Variants in LDLRAD3 observed in about 807,000 individuals in gnomAD.
LDLRAD3 encodes the protein low density lipoprotein receptor class A domain containing 3, also known as low-density lipoprotein receptor class A domain-containing protein 3.
In LDLRAD3, 20 loss-of-function variants were observed where a neutral mutation model predicts 29.4. The ratio of observed to expected loss-of-function variants is 0.68; its 90% CI spans 0.48 to 0.99. The LOEUF is 0.99. LDLRAD3 is among the 50% of genes least tolerant of loss of function. The pLI is 0.00. For synonymous variants in LDLRAD3, 157 were observed against 192.7 expected (o/e 0.81, Z 1.53); for missense variants, 420 against 454.3 (o/e 0.92, Z 0.69).
At chr11:36,202,419 C>CAG (rs1565300989) in intron 4 of LDLRAD3, among the ~76,000 whole-genome samples, 2 of 152,168 alleles carry the variant, frequency 1.3e-5, no homozygotes, top group Admixed American at 6.5e-5. Flanking sequence ...CAGCACCTCT[C>CAG]ACGGTTGAGC....
At chr11:35,967,535 T>G (rs994618141) in intron 1 of LDLRAD3, 1 of 369,224 alleles carries the variant, frequency 2.7e-6, no homozygotes, top group African/African-American at 2.1e-5. Flanking sequence ...TTTTTCCACT[T>G]TGAGTTTGCT....
Position 36,231,558 on chromosome 11 carries a change from G to T in LDLRAD3, c.*2161G>T, listed in dbSNP as rs566646189. On this transcript the variant is annotated 3_prime_UTR_variant, in exon 6 of 6. Transcript: ENST00000315571. The stretch of plus-strand genomic sequence containing the variant: ...AAGAATTCTAATTTTAATTAATTGC[G>T]CAGTGAGTTAATCTCACTCGCTTTT... The T allele has an allele frequency of 4.6e-5, 7 of 151,994 alleles. No individual in the cohort carries two copies. Among genetic ancestry groups the T allele is most frequent in the Non-Finnish European group, 1.0e-4 (7 of 68,008 alleles). The allele number at this position is 151,994 out of a possible 1,614,324, so 9.4% of individuals were successfully genotyped here. A position where few individuals can be genotyped will look rare whatever the true frequency, so the allele number is the denominator to read the frequency against.
chr11:35,946,459 T>C (rs1321873331), intron 1 of LDLRAD3, among the ~76,000 whole-genome samples: 1 of 152,192 alleles, frequency 6.6e-6, no homozygotes, highest in South Asian at 2.1e-4. Context: ...ACCTTGCATA[T>C]TTTTTTCTTC....
intron 4 of LDLRAD3, among the ~76,000 whole-genome samples, chr11:36,204,300 C>A (rs912346828): frequency 6.6e-6 from 1 of 152,056 alleles, no homozygotes; most frequent in Non-Finnish European, 1.5e-5. Flanking sequence ...ATATCCGGGG[C>A]AGCATAAAGA....
intron 4 of LDLRAD3, among the ~76,000 whole-genome samples, chr11:36,148,196 C>T (rs1382481396): frequency 6.6e-6 from 1 of 152,114 alleles, no homozygotes. Context: ...TTCTGTTTTT[C>T]TTATTAAATA....
At position 36,170,338 on chromosome 11, in the gene LDLRAD3, A is replaced by T. The variant is rs199514535; in HGVS notation, c.455-56747A>T. Among the ~76,000 whole-genome samples, 8 of 61,008 alleles carry T rather than the reference A, an allele frequency of 1.3e-4. No homozygotes were observed. In the East Asian group the frequency reaches 2.4e-3, roughly 18 times the overall value. 40.0% of individuals were successfully genotyped at this position (61,008 alleles called of 152,430 possible). A position where few individuals can be genotyped will look rare whatever the true frequency, so the allele number is the denominator to read the frequency against. On this transcript the variant is annotated intron_variant, in intron 4 of 5. Transcript: ENST00000315571. ...CGTATATATGTATATATGTACGTAT[A>T]TACGTATATATACATATATATACAC...
At chr11:36,173,695 T>C (rs887675917) in intron 4 of LDLRAD3, among the ~76,000 whole-genome samples, 5 of 152,204 alleles carry the variant, frequency 3.3e-5, no homozygotes, top group Non-Finnish European at 4.4e-5. Context: ...CCTTTGGGTA[T>C]ATACCCAGTA....
intron 1 of LDLRAD3, among the ~76,000 whole-genome samples, chr11:35,987,542 A>G (rs1434576134): frequency 1.3e-5 from 2 of 152,218 alleles, no homozygotes; most frequent in African/African-American, 2.4e-5. Context: ...GAATTCACTT[A>G]GGATAATGGC....
At chr11:36,133,347 TC>T in intron 4 of LDLRAD3, among the ~76,000 whole-genome samples, 1 of 65,118 alleles carries the variant, frequency 1.5e-5, no homozygotes, top group East Asian at 7.2e-4. Context: ...GAGTCCATTT[TC>T]TTTTCCTTTC....
intron 4 of LDLRAD3, 35 bp downstream of exon 4, chr11:36,098,496 A>G: frequency 6.2e-7 from 1 of 1,612,346 alleles, no homozygotes; most frequent in Non-Finnish European, 8.5e-7. Context: ...AGATAATTGC[A>G]ACACAACACT....
intron 4 of LDLRAD3, among the ~76,000 whole-genome samples, chr11:36,122,591 C>T (rs12808114): frequency 1.2e-3 from 190 of 152,234 alleles, no homozygotes; most frequent in Non-Finnish European, 2.1e-3. Flanking sequence ...TATTATTAAG[C>T]AGGAACTGTT....
intron 1 of LDLRAD3, among the ~76,000 whole-genome samples, chr11:35,953,749 G>C (rs1429528144): frequency 6.6e-6 from 1 of 152,172 alleles, no homozygotes; most frequent in Non-Finnish European, 1.5e-5. Context: ...GGGAGGGGAA[G>C]AGTGATTAGC....
chr11:35,973,176 T>G (rs545869540), intron 1 of LDLRAD3, among the ~76,000 whole-genome samples: 30 of 151,182 alleles, frequency 2.0e-4, no homozygotes, highest in Middle Eastern at 3.4e-3. Context: ...GTTTTGTTTT[T>G]TTTGATTATT....
intron 1 of LDLRAD3, among the ~76,000 whole-genome samples, chr11:35,953,672 T>G (rs1399616311): frequency 6.6e-6 from 1 of 152,152 alleles, no homozygotes; most frequent in African/African-American, 2.4e-5. Context: ...AAAAGCCTCT[T>G]GATTGATTTG....
At chr11:36,170,315 T>TATATATGTAC (rs1375009249) in intron 4 of LDLRAD3, among the ~76,000 whole-genome samples, 1 of 147,824 alleles carries the variant, frequency 6.8e-6, no homozygotes, top group Non-Finnish European at 1.5e-5. Flanking sequence ...CATATATACG[T>TATATATGTAC]ATATATGTAT....
chr11:36,106,191 G>C (rs147878500), intron 4 of LDLRAD3, among the ~76,000 whole-genome samples: 15 of 152,260 alleles, frequency 9.9e-5, no homozygotes, highest in Admixed American at 2.0e-4. Flanking sequence ...GCCATGCTTG[G>C]TTAGGAGGAC....
At position 36,023,373 on chromosome 11, in the gene LDLRAD3, G is replaced by A. The variant is rs375740118; in HGVS notation, c.47-12730G>A. Among the ~76,000 whole-genome samples the A allele has an allele frequency of 9.2e-5, 14 of 152,236 alleles. No individual in the cohort carries two copies. The East Asian group carries it at 2.1e-3, about 23-fold the overall frequency. On this transcript the variant is annotated intron_variant, in intron 1 of 5. Transcript: ENST00000315571. ...TTGCAGGGGGCCATGGGGACTAGCC[G>A]TCTCCTAGCTGAGTAGAGAAGGTCA...
At chr11:36,143,746 C>T (rs1312368229) in intron 4 of LDLRAD3, among the ~76,000 whole-genome samples, 1 of 151,932 alleles carries the variant, frequency 6.6e-6, no homozygotes, top group Non-Finnish European at 1.5e-5. Flanking sequence ...CCCAGCACCC[C>T]TTTTTTTTGG....
At position 36,034,662 on chromosome 11, in the gene LDLRAD3, T is replaced by C. The variant is rs1245030855; in HGVS notation, c.47-1441T>C. On this transcript the variant is annotated intron_variant, in intron 1 of 5. Coordinates refer to ENST00000315571, the MANE Select transcript of LDLRAD3 (RefSeq NM_174902.4). ...TGTGACGGTGTCCATTGCAATTGGT[T>C]GTTGCCCGCTTGTTCTAGTTATAAA... Among the ~76,000 whole-genome samples the C allele has an allele frequency of 5.9e-5, 9 of 152,224 alleles. No homozygotes were observed. The East Asian group carries it at 1.7e-3, about 29-fold the overall frequency.
Sources: gnomAD v4.1 joint callset for allele counts (sites outside exome capture counted in the v4.1 genomes callset) on GRCh38, gnomAD v4.1.1 for gene constraint, MANE v1.5 for transcripts, NCBI Gene and HGNC (gene_info 2026-07-23, HGNC 2026-07-21) for gene names.